The following B9D1 variants were observed in gnomAD, a reference collection of about 807,000 sequenced individuals.
The protein encoded by B9D1 is B9 domain-containing protein 1.
Under a neutral mutation model 26.1 loss-of-function variants are expected in B9D1, and 20 were observed. That is an observed-to-expected ratio of 0.77 (90% CI 0.54 to 1.12). B9D1 has a LOEUF of 1.12. B9D1 is among the 50% of genes most tolerant of loss of function. The pLI, the probability that B9D1 is intolerant of heterozygous loss-of-function variation, is 0.00. For missense variants in B9D1, 260 were observed against 273.7 expected, an observed-to-expected ratio of 0.95 and a Z score of 0.35; for synonymous variants, 105 against 103.1, an observed-to-expected ratio of 1.02 and a Z score of -0.11.
At chr17:19,337,978 CAG>C (rs1907590706), downstream of B9D1, among the ~76,000 whole-genome samples, 1 of 152,190 alleles carries the variant, frequency 6.6e-6, no homozygotes, top group Admixed American at 6.5e-5. Context: ...GTCTGGCTCC[CAG>C]AGAGTTATTT....
At chr17:19,341,063 T>C, downstream of B9D1, 4 of 1,160,750 alleles carry the variant, frequency 3.4e-6, no homozygotes, top group Non-Finnish European at 4.3e-6. Context: ...TGGTGTTCAC[T>C]GTAAAATGAT....
downstream of B9D1, among the ~76,000 whole-genome samples, chr17:19,340,416 G>A (rs1235714180): frequency 2.1e-5 from 3 of 145,534 alleles, no homozygotes; most frequent in Non-Finnish European, 3.0e-5. Context: ...CAGGTGATCC[G>A]CCTGCATCAG....
downstream of B9D1, chr17:19,335,199 A>G: frequency 2.4e-6 from 1 of 412,156 alleles, no homozygotes; most frequent in East Asian, 3.5e-5. Flanking sequence ...AGCAACAAAA[A>G]ATCCTAGCCT....
At chr17:19,376,603 A>G (rs1234625501) in intron 1 of B9D1, among the ~76,000 whole-genome samples, 2 of 131,770 alleles carry the variant, frequency 1.5e-5, no homozygotes, top group East Asian at 5.2e-4. Flanking sequence ...AACAGGGTGA[A>G]ACCCCATCTC....
chr17:19,374,047 G>A (rs931539474), intron 1 of B9D1, among the ~76,000 whole-genome samples: 3 of 152,192 alleles, frequency 2.0e-5, no homozygotes, highest in African/African-American at 7.2e-5. Context: ...CCAAGTGAGT[G>A]GAGTATCTGT....
Position 19,347,785 on chromosome 17 carries a change from G to GGCCAGGT in B9D1, c.333_339dup (p.Arg114ThrfsTer18). The stretch of plus-strand genomic sequence containing the variant: ...GCCCAGGTCAGAATGAGGACCTACC[G>GGCCAGGT]GCCAGGTGAGAAGGGCACGTGCACG... On this transcript the variant is annotated frameshift_variant and splice_region_variant, in exon 4 of 7. Coordinates refer to ENST00000261499, the MANE Select transcript of B9D1 (RefSeq NM_015681.6). LOFTEE classifies it high-confidence loss of function. The surrounding 1 kb of genome is among the most constrained non-coding windows in gnomAD (Gnocchi z 4.3). 6.2e-7 allele frequency: 1 copy of GGCCAGGT among 1,613,652 alleles called. No homozygotes were observed. Among genetic ancestry groups the GGCCAGGT allele is most frequent in the Non-Finnish European group, 8.5e-7 (1 of 1,179,814 alleles).
At chr17:19,340,042 C>T (rs964171635), downstream of B9D1, among the ~76,000 whole-genome samples, 2 of 145,580 alleles carry the variant, frequency 1.4e-5, no homozygotes, top group East Asian at 2.3e-4. Flanking sequence ...AACCCCCCCC[C>T]CCCCCCGGCT....
At chr17:19,343,015 A>C, downstream of B9D1, 1 of 1,171,326 alleles carries the variant, frequency 8.5e-7, no homozygotes, top group African/African-American at 1.5e-5. Context: ...CTCCCATCCC[A>C]CATGCCATCC....
Position 19,372,389 on chromosome 17 carries a change from G to A in B9D1, c.-298+5470C>T, listed in dbSNP as rs992315591. 6.6e-6 allele frequency: 1 copy of A among 152,590 alleles called. No individual in the cohort carries two copies. The highest frequency in any genetic ancestry group is 2.1e-4 in the South Asian group (1 of 4,828). 9.5% of individuals were successfully genotyped at this position (152,590 alleles called of 1,614,324 possible). ...CCCTGCCTAACTTTCTCGTCTCCATGTCTCTGTGACCCCCTCCCTCCTGCC... is the reference window on the plus strand; with the variant it reads ...CCCTGCCTAACTTTCTCGTCTCCATATCTCTGTGACCCCCTCCCTCCTGCC... On this transcript the variant is annotated intron_variant, in intron 1 of 5. Coordinates refer to the B9D1 transcript ENST00000477478. The surrounding 1 kb of genome is among the most constrained non-coding windows in gnomAD (Gnocchi z 4.4).
intron 1 of B9D1, among the ~76,000 whole-genome samples, chr17:19,373,776 C>T (rs1390639483): frequency 6.6e-6 from 1 of 152,170 alleles, no homozygotes; most frequent in Non-Finnish European, 1.5e-5. Context: ...ATCCCCCAGC[C>T]TCAGCCTCCT....
In B9D1 at chr17:19,360,403, G is replaced by T. The variant is rs760164563; in HGVS notation, c.64-15C>A. 1 of 1,612,332 alleles carries T rather than the reference G, an allele frequency of 6.2e-7. No individual in the cohort carries two copies. Among genetic ancestry groups the T allele is most frequent in the Non-Finnish European group, 8.5e-7 (1 of 1,178,746 alleles). On this transcript the variant is annotated splice_polypyrimidine_tract_variant and intron_variant, in intron 1 of 6. Transcript: ENST00000261499. ...TACTCTGGAAACTGAAAAAAGCACA[G>T]ACAGATTCTGTCGACTGGTATTCAT...
At chr17:19,346,877 C>T (rs569091433) in intron 5 of B9D1, 216 of 1,397,752 alleles carry the variant, frequency 1.5e-4, no homozygotes, top group Non-Finnish European at 1.8e-4. Flanking sequence ...ATGTCAGCTC[C>T]GGCCAGAGAC....
At chr17:19,349,556 A>AT (rs1467616836) in intron 3 of B9D1, among the ~76,000 whole-genome samples, 1 of 151,430 alleles carries the variant, frequency 6.6e-6, no homozygotes, top group African/African-American at 2.4e-5. Context: ...TAATTTTTAA[A>AT]TTTTTTGTAG....
intron 5 of B9D1, chr17:19,344,589 C>T (rs889585367): frequency 5.5e-5 from 12 of 217,166 alleles, no homozygotes; most frequent in East Asian, 1.9e-4. Flanking sequence ...GGCTTCGCCC[C>T]GCCGGGACTC....
rs1292337537 is a variant in B9D1 at position 19,372,963 on chromosome 17, T to C, written c.-298+4896A>G. ...CCATCCACCTTCCTGAAAACTCAGG[T>C]TTCCTGTGGGGAAATGGCCCTCATC... On this transcript the variant is annotated intron_variant, in intron 1 of 5. Transcript: ENST00000477478. This position sits in a 1 kb window ranked among gnomAD's most constrained non-coding sequence, Gnocchi z 4.4. Among the ~76,000 whole-genome samples, 1 of 152,066 alleles carries C rather than the reference T, an allele frequency of 6.6e-6. No individual in the cohort carries two copies. Among genetic ancestry groups the C allele is most frequent in the Admixed American group, 6.6e-5 (1 of 15,248 alleles).
rs575370576 is a variant in B9D1, at chr17:19,377,913, G to A, written c.-352C>T. The A allele has an allele frequency of 7.7e-5, 76 of 985,404 alleles. No homozygotes were observed. The South Asian group carries it at 3.1e-3, about 40-fold the overall frequency. 61.0% of individuals were successfully genotyped at this position (985,404 alleles called of 1,614,324 possible). The stretch of plus-strand genomic sequence containing the variant: ...CCAACTTGGCCGGAAGCTGCGGAGA[G>A]GCTCAGCCACCGGAAGTCAGTGGAG... On this transcript the variant is annotated 5_prime_UTR_variant, in exon 1 of 6. Coordinates refer to the B9D1 transcript ENST00000477478.
intron 3 of B9D1, among the ~76,000 whole-genome samples, chr17:19,352,649 G>A (rs1909779852): frequency 6.6e-6 from 1 of 151,498 alleles, no homozygotes; most frequent in Non-Finnish European, 1.5e-5. Context: ...AGCCTCCCGA[G>A]TAGCTGGAAT....
chr17:19,357,949 A>G lies in B9D1; in HGVS notation c.135T>C (p.Gly45=), dbSNP rs1205587380. Residue 45 remains glycine, a splice_region_variant and synonymous_variant, in exon 3 of 7, where the codon GGT becomes GGC. Coordinates refer to ENST00000261499, the MANE Select transcript of B9D1 (RefSeq NM_015681.6). The part of the protein sequence containing the change: ...VYGQDWAPTA[G]LEEGISQITS... ...TGATCTGTGAGATCCCCTCCTCCAG[A>G]CCCTGTGAGGACAGTGACACAGACG... The G allele has an allele frequency of 1.2e-6, 2 of 1,610,724 alleles. No homozygotes were observed. The highest frequency in any genetic ancestry group is 1.7e-6 in the Non-Finnish European group (2 of 1,176,968).
At chr17:19,344,058 ACAG>A (rs1908362741) in intron 5 of B9D1, among the ~76,000 whole-genome samples, 1 of 152,228 alleles carries the variant, frequency 6.6e-6, no homozygotes, top group Non-Finnish European at 1.5e-5. Flanking sequence ...CCGAGGTCAC[ACAG>A]CCTAGCCAGG....
Sources: allele counts gnomAD v4.1 joint callset (sites outside exome capture counted in the v4.1 genomes callset), GRCh38; gene constraint gnomAD v4.1.1; non-coding constraint Gnocchi (gnomAD v3.1); transcripts MANE v1.5; gene names NCBI Gene and HGNC (gene_info 2026-07-23, HGNC 2026-07-21).